The following TCF12 variants were observed in gnomAD, a reference collection of about 807,000 sequenced individuals.
The protein encoded by TCF12 is DNA-binding protein HTF4.
In TCF12, 45 loss-of-function variants were observed where a neutral mutation model predicts 86.0. The ratio of observed to expected loss-of-function variants is 0.52; its 90% CI spans 0.41 to 0.67. TCF12 has a LOEUF of 0.67. Among genes scored for constraint, TCF12 ranks in the 30% least tolerant of loss-of-function variants. The pLI, the probability that TCF12 is intolerant of heterozygous loss-of-function variation, is 0.00. For synonymous variants in TCF12, 330 were observed against 299.6 expected (o/e 1.10, Z -1.05); for missense variants, 881 against 859.9 (o/e 1.02, Z -0.31).
chr15:57,257,236 CT>C (rs1566998646), intron 16 of TCF12, among the ~76,000 whole-genome samples: 1 of 152,142 alleles, frequency 6.6e-6, no homozygotes, highest in African/African-American at 2.4e-5. Flanking sequence ...GCATGTTTTT[CT>C]TTTTCTTGGA....
intron 3 of TCF12, among the ~76,000 whole-genome samples, chr15:57,049,650 T>C (rs985980944): frequency 4.6e-5 from 7 of 152,208 alleles, no homozygotes; most frequent in Non-Finnish European, 1.0e-4. Flanking sequence ...TTTTTGGCTA[T>C]TACAAATAAA....
At chr15:57,088,622 C>G (rs771162119) in intron 4 of TCF12, among the ~76,000 whole-genome samples, 3 of 151,192 alleles carry the variant, frequency 2.0e-5, no homozygotes, top group Non-Finnish European at 4.4e-5. Flanking sequence ...CCTTTTTACT[C>G]TGTGTTTATG....
intron 7 of TCF12, among the ~76,000 whole-genome samples, chr15:57,197,086 C>T (rs533056920): frequency 6.6e-6 from 1 of 151,170 alleles, no homozygotes; most frequent in African/African-American, 2.4e-5. Context: ...TGACCTATTA[C>T]ACTAAGTGCC....
At chr15:57,041,392 G>A (rs2066888641) in intron 3 of TCF12, among the ~76,000 whole-genome samples, 1 of 152,040 alleles carries the variant, frequency 6.6e-6, no homozygotes, top group African/African-American at 2.4e-5. Flanking sequence ...GGATAAATTA[G>A]GTGTTATGTC....
intron 18 of TCF12, among the ~76,000 whole-genome samples, chr15:57,266,736 A>G (rs1404833149): frequency 3.3e-5 from 5 of 152,156 alleles, no homozygotes; most frequent in Non-Finnish European, 7.4e-5. Flanking sequence ...CCAGTTCTAC[A>G]TTAAAATTAG....
chr15:57,137,497 A>G (rs1451558138), intron 5 of TCF12, among the ~76,000 whole-genome samples: 1 of 152,190 alleles, frequency 6.6e-6, no homozygotes, highest in Non-Finnish European at 1.5e-5. Flanking sequence ...TAAATTGCCT[A>G]AAATATTATT....
intron 3 of TCF12, among the ~76,000 whole-genome samples, chr15:57,023,671 TATTGA>T (rs1415766839): frequency 6.6e-6 from 1 of 152,194 alleles, no homozygotes; most frequent in Non-Finnish European, 1.5e-5. Context: ...CAAAACTTGC[TATTGA>T]ATTAGGTGTA....
chr15:57,055,088 T>A (rs201306769), intron 3 of TCF12, among the ~76,000 whole-genome samples: 1 of 152,026 alleles, frequency 6.6e-6, no homozygotes, highest in East Asian at 1.9e-4. Flanking sequence ...AGGATGCAGG[T>A]CTTCCTCTGA....
chr15:57,013,144 G>A (rs184434198), intron 3 of TCF12, among the ~76,000 whole-genome samples: 42 of 152,128 alleles, frequency 2.8e-4, no homozygotes, highest in Admixed American at 2.2e-3. Context: ...GTGGCAGTGT[G>A]TTAGGAAGGC....
At chr15:57,052,080 C>T (rs534261278) in intron 3 of TCF12, among the ~76,000 whole-genome samples, 16 of 152,286 alleles carry the variant, frequency 1.1e-4, no homozygotes, top group African/African-American at 2.9e-4. Flanking sequence ...AAGGTTTAGA[C>T]GTTAATTATG....
At chr15:57,267,027 TAAA>T in intron 18 of TCF12, among the ~76,000 whole-genome samples, 1 of 152,284 alleles carries the variant, frequency 6.6e-6, no homozygotes, top group Admixed American at 6.5e-5. Flanking sequence ...ATGCTGTCTC[TAAA>T]AAAAGACTTT....
At position 57,289,629 on chromosome 15, in the gene TCF12, G is replaced by T. The variant is rs1393978026; in HGVS notation, c.*3484G>T. On this transcript the variant is annotated 3_prime_UTR_variant, in exon 21 of 21. Coordinates refer to ENST00000333725, the MANE Select transcript of TCF12 (RefSeq NM_207037.2). ...TGTGTGTGTGTGTGTGTGTGTCTGT[G>T]TGTGTGTGACTTAAAGAATCTTAAG... is the stretch of plus-strand genomic sequence containing the variant. 1.3e-5 allele frequency: 2 copies of T among 152,056 alleles called. No individual in the cohort carries two copies. Among genetic ancestry groups the T allele is most frequent in the African/African-American group, 4.8e-5 (2 of 41,416 alleles). 9.4% of individuals were successfully genotyped at this position (152,056 alleles called of 1,614,324 possible).
intron 6 of TCF12, among the ~76,000 whole-genome samples, chr15:57,174,290 A>G (rs1273057982): frequency 6.6e-6 from 1 of 152,210 alleles, no homozygotes; most frequent in Non-Finnish European, 1.5e-5. Context: ...AGTTCACCAC[A>G]TTATAACAGA....
intron 5 of TCF12, among the ~76,000 whole-genome samples, chr15:57,109,487 A>C (rs2050347376): frequency 6.6e-6 from 1 of 152,106 alleles, no homozygotes. Flanking sequence ...AATTCATTGT[A>C]TTTTGTTTAT....
At chr15:57,097,534 T>A (rs1181786753) in intron 5 of TCF12, among the ~76,000 whole-genome samples, 2 of 151,614 alleles carry the variant, frequency 1.3e-5, no homozygotes, top group Admixed American at 6.6e-5. Flanking sequence ...TTAAAAAAAA[T>A]AATAAAAAAT....
chr15:56,981,823 G>T (rs2062908615), intron 3 of TCF12, among the ~76,000 whole-genome samples: 1 of 152,048 alleles, frequency 6.6e-6, no homozygotes, highest in Admixed American at 6.6e-5. Flanking sequence ...GAGAATCATT[G>T]GGAAAGAAAA....
chr15:57,144,712 C>T (rs1216727940), intron 5 of TCF12, among the ~76,000 whole-genome samples: 1 of 152,318 alleles, frequency 6.6e-6, no homozygotes, highest in East Asian at 1.9e-4. Flanking sequence ...GATCCTCCCA[C>T]CTCAGTCTCC....
intron 8 of TCF12, among the ~76,000 whole-genome samples, chr15:57,208,920 T>C (rs1239273158): frequency 1.3e-5 from 2 of 151,946 alleles, no homozygotes; most frequent in Non-Finnish European, 2.9e-5. Context: ...TTTGCTGTGT[T>C]GCCAGGGTTG....
chr15:57,075,804 T>TTCTTTCTTTCTCTCTCTCTCTC (rs1461514777), intron 4 of TCF12, among the ~76,000 whole-genome samples: 50 of 28,550 alleles, frequency 1.8e-3, no homozygotes, highest in Non-Finnish European at 2.4e-3. Flanking sequence ...CTTTCTTTCT[T>TTCTTTCTTTCTCTCTCTCTCTC]TCTCTCTCTC....
Sources: allele counts gnomAD v4.1 joint callset (sites outside exome capture counted in the v4.1 genomes callset), GRCh38; gene constraint gnomAD v4.1.1; transcripts MANE v1.5; gene names NCBI Gene and HGNC (gene_info 2026-07-23, HGNC 2026-07-21).